Variants in NAV3 observed in about 807,000 individuals in gnomAD.
NAV3 encodes pore membrane and/or filament interacting like protein 1.
Under a neutral mutation model 244.7 loss-of-function variants are expected in NAV3, and 87 were observed. The ratio of observed to expected loss-of-function variants is 0.36; its 90% CI spans 0.30 to 0.42. The LOEUF (loss-of-function observed/expected upper bound fraction) is 0.42. Among genes scored for constraint, NAV3 ranks in the 20% least tolerant of loss-of-function variants. NAV3 has a pLI of 1.00. For synonymous variants in NAV3, 1,126 were observed against 1,042.2 expected (o/e 1.08, Z -1.55); for missense variants, 2,663 against 2,893.3 (o/e 0.92, Z 1.83).
Position 77,901,906 on chromosome 12 carries a change from G to A in NAV3, c.244-38413G>A, listed in dbSNP as rs143595549. ...TGAGATGCCCCAGTACTGTTTTTCC[G>A]GGTAACATGTTAGGGGTGACCTTTG... On this transcript the variant is annotated intron_variant, in intron 1 of 39. Coordinates refer to ENST00000397909, the MANE Select transcript of NAV3 (RefSeq NM_001024383.2). 3.6e-3 allele frequency among the ~76,000 whole-genome samples: 552 copies of A among 152,046 alleles called. 6 individuals carry two copies. Among genetic ancestry groups the A allele is most frequent in the African/African-American group, 0.012 (512 of 41,482 alleles).
intron 16 of NAV3, among the ~76,000 whole-genome samples, chr12:78,126,363 AT>A (rs1310601141): frequency 6.6e-6 from 1 of 152,192 alleles, no homozygotes; most frequent in Admixed American, 6.5e-5. Context: ...TGCAATTTTA[AT>A]TAATTTTACA....
intron 2 of NAV3, among the ~76,000 whole-genome samples, chr12:77,714,565 T>C (rs1054690439): frequency 1.3e-5 from 2 of 152,148 alleles, no homozygotes; most frequent in African/African-American, 4.8e-5. Context: ...GAGATTTCTG[T>C]AATAGGACCT....
At chr12:77,660,840 T>C (rs185318607) in intron 2 of NAV3, among the ~76,000 whole-genome samples, 1 of 152,292 alleles carries the variant, frequency 6.6e-6, no homozygotes, top group Non-Finnish European at 1.5e-5. Context: ...AATGAAATCA[T>C]ACAATACACA....
intron 9 of NAV3, among the ~76,000 whole-genome samples, chr12:78,026,037 C>T (rs112378090): frequency 5.3e-5 from 8 of 152,108 alleles, no homozygotes; most frequent in Non-Finnish European, 1.0e-4. Flanking sequence ...TTTCCTCAAA[C>T]CTTACTGTTC....
Position 78,025,639 on chromosome 12 carries a change from A to G in NAV3, c.2023+3777A>G, listed in dbSNP as rs116401019. Among the ~76,000 whole-genome samples, 991 of 148,238 alleles carry G rather than the reference A, an allele frequency of 6.7e-3. 10 individuals are homozygous for G. The highest frequency in any genetic ancestry group is 0.023 in the African/African-American group (941 of 40,746). ...AAAAAAAAAAGAAATTTGATCCCCAATGTTGTAGGTGGGGCCTCATGGGAG... is the reference window on the plus strand; with the variant it reads ...AAAAAAAAAAGAAATTTGATCCCCAGTGTTGTAGGTGGGGCCTCATGGGAG... On this transcript the variant is annotated intron_variant, in intron 9 of 39. Coordinates refer to ENST00000397909, the MANE Select transcript of NAV3 (RefSeq NM_001024383.2).
intron 1 of NAV3, among the ~76,000 whole-genome samples, chr12:77,905,705 A>G (rs2136979580): frequency 6.6e-6 from 1 of 152,342 alleles, no homozygotes; most frequent in Non-Finnish European, 1.5e-5. Context: ...ACAATCCAGG[A>G]ATAGTATGTT....
chr12:77,683,701 G>C (rs1874578212), intron 2 of NAV3, among the ~76,000 whole-genome samples: 1 of 152,112 alleles, frequency 6.6e-6, no homozygotes, highest in African/African-American at 2.4e-5. Context: ...CACAGTAGGT[G>C]TGCTTTTATG....
chr12:77,607,954 G>T (rs1365114856), intron 2 of NAV3, among the ~76,000 whole-genome samples: 1 of 152,040 alleles, frequency 6.6e-6, no homozygotes, highest in Non-Finnish European at 1.5e-5. Flanking sequence ...ACAGTGATTT[G>T]TACAAAGGTG....
chr12:77,659,677 A>G (rs1203183522), intron 2 of NAV3, among the ~76,000 whole-genome samples: 1 of 152,190 alleles, frequency 6.6e-6, no homozygotes, highest in African/African-American at 2.4e-5. Flanking sequence ...TTATTGCGGC[A>G]CTATTCACAA....
chr12:77,931,834 G>T (rs1325070477), intron 1 of NAV3, among the ~76,000 whole-genome samples: 1 of 151,868 alleles, frequency 6.6e-6, no homozygotes, highest in Non-Finnish European at 1.5e-5. Context: ...GCCACTGCAC[G>T]CCAGCCTGGG....
intron 2 of NAV3, among the ~76,000 whole-genome samples, chr12:77,709,521 G>T (rs1488026483): frequency 6.6e-6 from 1 of 152,112 alleles, no homozygotes; most frequent in African/African-American, 2.4e-5. Flanking sequence ...ACTATTATGG[G>T]TGCCATGAAG....
In NAV3 at chr12:78,188,738, C is replaced by T. The variant is rs1565781185; in HGVS notation, c.6016C>T (p.Leu2006Phe). ...EVPELLPCGY[L>F]VGDNNIITVN... is the part of the protein sequence containing the mutation. ...GCCTGAATTGCTGCCTTGTGGATAC[C>T]TTGTTGGAGATAATAACATCATCAC... Residue 2006 changes from leucine (L) to phenylalanine (F), a missense_variant, in exon 33 of 40, where the codon CTT becomes TTT. Physicochemically the swap from Leu to Phe is conservative, Grantham distance 22. This residue lies in a region of NAV3 where 543 missense variants were observed against 672.4 expected (regional missense o/e 0.81). Transcript: ENST00000397909. 6.2e-7 allele frequency: 1 copy of T among 1,612,100 alleles called. No individual in the cohort carries two copies. Among genetic ancestry groups the T allele is most frequent in the Non-Finnish European group, 8.5e-7 (1 of 1,178,804 alleles).
chr12:77,880,367 A>G (rs1394611027), intron 1 of NAV3, among the ~76,000 whole-genome samples: 1 of 152,170 alleles, frequency 6.6e-6, no homozygotes, highest in Non-Finnish European at 1.5e-5. Flanking sequence ...GTTAGCATAC[A>G]GTAACTTCAT....
intron 19 of NAV3, among the ~76,000 whole-genome samples, chr12:78,139,172 A>G (rs1956500397): frequency 6.6e-6 from 1 of 152,126 alleles, no homozygotes; most frequent in African/African-American, 2.4e-5. Context: ...CAAGTTAGAA[A>G]ACTGGGGGTT....
rs370153694 is a variant in NAV3, at chr12:77,799,629, G to A, written c.73-140690G>A. Among the ~76,000 whole-genome samples, 24 of 151,962 alleles carry A rather than the reference G, an allele frequency of 1.6e-4. No homozygotes were observed. The South Asian group carries it at 1.7e-3, about 11-fold the overall frequency. ...AATTCTTTACATACTACCTTATTTC[G>A]TTCCTGCCATAGCCCTTTTATTTTT... On this transcript the variant is annotated intron_variant, in intron 2 of 8. Transcript: ENST00000550042.
chr12:77,992,370 A>G (rs1871596328), intron 5 of NAV3, among the ~76,000 whole-genome samples: 1 of 152,226 alleles, frequency 6.6e-6, no homozygotes, highest in African/African-American at 2.4e-5. Context: ...TTTAATTAGT[A>G]TGACTAGGTA....
intron 5 of NAV3, among the ~76,000 whole-genome samples, chr12:77,987,181 A>C (rs958081691): frequency 6.6e-6 from 1 of 152,160 alleles, no homozygotes; most frequent in Non-Finnish European, 1.5e-5. Flanking sequence ...CTGTATACAG[A>C]TTCTATAATA....
rs191743650 is a variant in NAV3 at position 77,748,093 on chromosome 12, C to T, written c.72+175827C>T. On this transcript the variant is annotated intron_variant, in intron 2 of 8. Coordinates refer to the NAV3 transcript ENST00000550042. ...TTAATAATTATGTTTCAAAAGTAAT[C>T]AGAAAGTAGCATGTGAATATAACAA... Among the ~76,000 whole-genome samples, 302 of 152,128 alleles carry T rather than the reference C, an allele frequency of 2.0e-3. 2 individuals carry two copies. Among genetic ancestry groups the T allele is most frequent in the African/African-American group, 6.9e-3 (285 of 41,542 alleles).
At chr12:77,623,878 C>G (rs993381173) in intron 2 of NAV3, among the ~76,000 whole-genome samples, 11 of 152,116 alleles carry the variant, frequency 7.2e-5, no homozygotes, top group African/African-American at 2.7e-4. Context: ...AATAAGATTA[C>G]AAAGAGCTAG....
Sources: gnomAD v4.1 joint callset for allele counts (sites outside exome capture counted in the v4.1 genomes callset) on GRCh38, gnomAD v4.1.1 for gene constraint, gnomAD v4.1.1 regional missense constraint, MANE v1.5 for transcripts, NCBI Gene and HGNC (gene_info 2026-07-23, HGNC 2026-07-21) for gene names.